SMYD2: variants seen among roughly 807,000 people sequenced by gnomAD.
The protein encoded by SMYD2 is SET and MYND domain containing 2.
In SMYD2, 53 loss-of-function variants were observed where a neutral mutation model predicts 59.1. That is an observed-to-expected ratio of 0.90 (90% CI 0.72 to 1.13). The LOEUF is 1.13. Among genes scored for constraint, SMYD2 ranks in the 50% most tolerant of loss-of-function variants. The probability of loss-of-function intolerance (pLI) is 0.00; values close to 1 mark genes in which losing one functional copy is unlikely to be tolerated. For synonymous variants in SMYD2, 208 were observed against 198.8 expected (o/e 1.05, Z -0.39); for missense variants, 494 against 544.7 (o/e 0.91, Z 0.93).
In SMYD2 at chr1:214,324,673, A is replaced by G; in HGVS notation, c.567A>G (p.Glu189=). The G allele has an allele frequency of 1.2e-6, 2 of 1,613,108 alleles. No homozygotes were observed. Among genetic ancestry groups the G allele is most frequent in the Non-Finnish European group, 8.5e-7 (1 of 1,179,604 alleles). ...GTAATGGCTTCACAATTGAAGATGA[A>G]GAACTTTCTCATTTGGGATCAGCGA... ...VNCNGFTIED[E]ELSHLGSAIF... is the part of the protein sequence containing the mutation. The change falls in exon 6 of 12, where the codon GAA becomes GAG. Residue 189 remains glutamate (E), a synonymous_variant. Transcript: ENST00000366957.
chr1:214,287,302 A>T (rs978443577), intron 1 of SMYD2, among the ~76,000 whole-genome samples: 1 of 151,312 alleles, frequency 6.6e-6, no homozygotes, highest in African/African-American at 2.4e-5. Flanking sequence ...AAGCTGGCCT[A>T]TTGGCTGGGC....
At chr1:214,292,980 C>T (rs1034981096) in intron 1 of SMYD2, among the ~76,000 whole-genome samples, 7 of 150,946 alleles carry the variant, frequency 4.6e-5, no homozygotes, top group Non-Finnish European at 8.8e-5. Context: ...GCTCAAATTG[C>T]ATCTCTTTCC....
chr1:214,331,968 A>T (rs1657361996), intron 9 of SMYD2, 50 bp from the exon 10 acceptor site: 1 of 1,555,576 alleles, frequency 6.4e-7, no homozygotes, highest in African/African-American at 1.4e-5. Context: ...AGCCTGGGGA[A>T]GCCTCCAGGC....
intron 9 of SMYD2, chr1:214,331,728 GATTTGA>G (rs1657356203): frequency 6.9e-6 from 2 of 291,136 alleles, no homozygotes; most frequent in African/African-American, 4.3e-5. Context: ...CTTGGGTGAG[GATTTGA>G]ATTTGATTAG....
chr1:214,336,257 G>T (rs988765111), intron 11 of SMYD2, among the ~76,000 whole-genome samples: 5 of 152,220 alleles, frequency 3.3e-5, no homozygotes, highest in East Asian at 1.9e-4. Context: ...CCAAGGCCAG[G>T]CACGGTGGCT....
intron 1 of SMYD2, among the ~76,000 whole-genome samples, chr1:214,298,616 G>A (rs1656769708): frequency 6.6e-6 from 1 of 152,112 alleles, no homozygotes; most frequent in South Asian, 2.1e-4. Context: ...ACCCTACAGA[G>A]TAGAAGAAAA....
At chr1:214,293,987 T>A (rs1339161911) in intron 1 of SMYD2, among the ~76,000 whole-genome samples, 1 of 152,130 alleles carries the variant, frequency 6.6e-6, no homozygotes, top group Non-Finnish European at 1.5e-5. Flanking sequence ...CTCATTTTTT[T>A]TTTTTTAACA....
At chr1:214,294,041 C>A (rs1350418965) in intron 1 of SMYD2, among the ~76,000 whole-genome samples, 1 of 151,920 alleles carries the variant, frequency 6.6e-6, no homozygotes, top group Non-Finnish European at 1.5e-5. Flanking sequence ...TACTTTTGTA[C>A]CTAGCAAATA....
chr1:214,292,725 G>A (rs4655330), intron 1 of SMYD2, among the ~76,000 whole-genome samples: 46,382 of 151,808 alleles, frequency 0.31, 7,467 homozygotes, highest in African/African-American at 0.35. Context: ...GCTTTCTTCA[G>A]GACAAGTTCC....
intron 1 of SMYD2, among the ~76,000 whole-genome samples, chr1:214,289,788 C>G (rs1323373081): frequency 6.6e-6 from 1 of 152,212 alleles, no homozygotes; most frequent in African/African-American, 2.4e-5. Context: ...GGCAGGGGCC[C>G]CTGCACTGGC....
intron 1 of SMYD2, among the ~76,000 whole-genome samples, chr1:214,284,927 C>G (rs1656512241): frequency 6.6e-6 from 1 of 152,184 alleles, no homozygotes; most frequent in Non-Finnish European, 1.5e-5. Context: ...GTAGGCAGAT[C>G]TTTTGATCTT....
rs1200482699 is a variant in SMYD2 at position 214,332,083 on chromosome 1, A to G, written c.1003A>G (p.Ser335Gly). ...GAAGATGAGCTCTGTGTTTGAGGAC[A>G]GTAACGTGTACATGTTGCACATGAT... Reference protein sequence around the residue: ...QEKMSSVFEDSNVYMLHMMYQ... With the variant: ...QEKMSSVFEDGNVYMLHMMYQ... Residue 335 changes from serine (S) to glycine (G), a missense_variant, in exon 10 of 12, where the codon AGT becomes GGT. Ser to Gly is a moderately conservative substitution (Grantham distance 56). Transcript: ENST00000366957. 3 of 1,614,150 alleles carry G rather than the reference A, an allele frequency of 1.9e-6. No individual in the cohort carries two copies. Among genetic ancestry groups the G allele is most frequent in the Non-Finnish European group, 1.7e-6 (2 of 1,180,040 alleles).
In SMYD2 at chr1:214,318,246, ATTTCT is replaced by A; in HGVS notation, c.409+110_409+114del. 5 of 979,290 alleles carry A rather than the reference ATTTCT, an allele frequency of 5.1e-6. No homozygotes were observed. The highest frequency in any genetic ancestry group is 7.6e-6 in the Non-Finnish European group (5 of 655,628). 60.7% of individuals were successfully genotyped at this position (979,290 alleles called of 1,614,324 possible). ...CTAGTTTGTGCTCAGAGGAGTAGTG[ATTTCT>A]TTGATTACTAGTTTTTATTTTTACT... On this transcript the variant is annotated intron_variant, in intron 4 of 11. Coordinates refer to ENST00000366957, the MANE Select transcript of SMYD2 (RefSeq NM_020197.3). The surrounding 1 kb of genome is among the most constrained non-coding windows in gnomAD (Gnocchi z 5.4).
chr1:214,300,372 A>G (rs146439310), intron 1 of SMYD2, among the ~76,000 whole-genome samples: 1 of 152,330 alleles, frequency 6.6e-6, no homozygotes, highest in Non-Finnish European at 1.5e-5. Flanking sequence ...CACAATAAAT[A>G]CATCAATCCT....
Position 214,281,358 on chromosome 1 carries a change from C to G in SMYD2, c.104C>G (p.Ser35Cys). Residue 35 changes from serine to cysteine, a missense_variant, in exon 1 of 12, where the codon TCC (serine) becomes TGC (cysteine). Coordinates refer to ENST00000366957, the MANE Select transcript of SMYD2 (RefSeq NM_020197.3). ...QPFQVGDLLF[S>C]CPAYAYVLTV... is the part of the protein sequence containing the mutation. The stretch of plus-strand genomic sequence containing the variant: ...TTCCAGGTGGGGGACTTGCTGTTCT[C>G]CTGCCCGGCCTATGCCTACGTGCTC... 6.9e-7 allele frequency: 1 copy of G among 1,455,164 alleles called. No individual in the cohort carries two copies. Among genetic ancestry groups the G allele is most frequent in the African/African-American group, 1.5e-5 (1 of 68,844 alleles). The allele number at this position is 1,455,164 out of a possible 1,614,324, so 90.1% of individuals were successfully genotyped here. A position where few individuals can be genotyped will look rare whatever the true frequency, so the allele number is the denominator to read the frequency against.
intron 1 of SMYD2, among the ~76,000 whole-genome samples, chr1:214,299,353 G>A (rs1295644492): frequency 6.6e-6 from 1 of 151,922 alleles, no homozygotes; most frequent in Non-Finnish European, 1.5e-5. Flanking sequence ...AAAATAAATT[G>A]TTCTACTGAA....
chr1:214,303,795 G>A (rs925678934), intron 1 of SMYD2, among the ~76,000 whole-genome samples: 2 of 152,186 alleles, frequency 1.3e-5, no homozygotes, highest in Admixed American at 6.5e-5. Flanking sequence ...CACCGCGCAC[G>A]CCCCCGCCCC....
intron 2 of SMYD2, among the ~76,000 whole-genome samples, chr1:214,311,463 C>G (rs1223298120): frequency 6.6e-6 from 1 of 152,150 alleles, no homozygotes; most frequent in Non-Finnish European, 1.5e-5. Context: ...TTATTTACAG[C>G]CAGGGAGACA....
intron 1 of SMYD2, among the ~76,000 whole-genome samples, chr1:214,282,296 A>G (rs1386739605): frequency 6.6e-6 from 1 of 152,246 alleles, no homozygotes; most frequent in Non-Finnish European, 1.5e-5. Flanking sequence ...TAAAGCCCAG[A>G]GAGAAAGTGG....
Sources: allele counts gnomAD v4.1 joint callset (sites outside exome capture counted in the v4.1 genomes callset), GRCh38; gene constraint gnomAD v4.1.1; non-coding constraint Gnocchi (gnomAD v3.1); transcripts MANE v1.5; gene names NCBI Gene and HGNC (gene_info 2026-07-23, HGNC 2026-07-21).